The following ARHGEF10 variants were observed in gnomAD, a reference collection of about 807,000 sequenced individuals.
The protein encoded by ARHGEF10 is Rho guanine nucleotide exchange factor 10, also known as Rho guanine nucleotide exchange factor (GEF) 10.
A neutral mutation model predicts 147.4 loss-of-function variants in ARHGEF10; 140 were observed. That is an observed-to-expected ratio of 0.95 (90% confidence interval 0.83 to 1.09). The LOEUF (loss-of-function observed/expected upper bound fraction) is 1.09. ARHGEF10 is among the 50% of genes least tolerant of loss of function. ARHGEF10 has a pLI of 0.00. For missense variants in ARHGEF10, 2,222 were observed against 1,752.7 expected, an observed-to-expected ratio of 1.27 and a Z score of -4.78; for synonymous variants, 902 against 695.8, an observed-to-expected ratio of 1.30 and a Z score of -4.67.
rs532779463 is a variant in ARHGEF10, at chr8:1,915,179, A to C, written c.2143+5709A>C. Among the ~76,000 whole-genome samples the C allele has an allele frequency of 5.3e-5, 8 of 152,278 alleles. No homozygotes were observed. In the East Asian group the frequency reaches 1.5e-3, roughly 29 times the overall value. ...GCCTTCAAACATACATAGGGAGTAA[A>C]ACCACAAAGAGCTCTCAGAGAGGAT... On this transcript the variant is annotated intron_variant, in intron 18 of 28. Transcript: ENST00000349830.
At chr8:1,864,231 T>C in intron 4 of ARHGEF10, 142 bp from the exon 5 acceptor site, 2 of 808,690 alleles carry the variant, frequency 2.5e-6, no homozygotes, top group Non-Finnish European at 4.2e-6. Flanking sequence ...CTAAAAATTT[T>C]TAAGTTTATT....
intron 1 of ARHGEF10, among the ~76,000 whole-genome samples, chr8:1,831,484 G>T (rs1044788125): frequency 1.3e-5 from 2 of 149,326 alleles, no homozygotes; most frequent in Non-Finnish European, 3.0e-5. Context: ...TGACATCCGT[G>T]GAGGGACAGT....
intron 1 of ARHGEF10, among the ~76,000 whole-genome samples, chr8:1,839,982 C>CCGATA: frequency 6.7e-6 from 1 of 149,428 alleles, no homozygotes; most frequent in Non-Finnish European, 1.5e-5. Context: ...TGGAAGCTGT[C>CCGATA]TGGTGTGGGG....
intron 1 of ARHGEF10, among the ~76,000 whole-genome samples, chr8:1,839,438 A>C (rs1337700238): frequency 6.1e-5 from 7 of 114,964 alleles, no homozygotes; most frequent in Non-Finnish European, 1.2e-4. Context: ...TGGTGTGGGG[A>C]GTGTCTGGTG....
At chr8:1,868,851 G>A (rs1205121448) in intron 6 of ARHGEF10, among the ~76,000 whole-genome samples, 1 of 152,054 alleles carries the variant, frequency 6.6e-6, no homozygotes, top group African/African-American at 2.4e-5. Flanking sequence ...GTGTGTAATT[G>A]AACACAAAAT....
chr8:1,905,478 GT>G, intron 16 of ARHGEF10, 92 bp from the exon 17 acceptor site: 4 of 1,524,470 alleles, frequency 2.6e-6, no homozygotes, highest in Non-Finnish European at 3.6e-6. Flanking sequence ...GTTTGGAAAA[GT>G]CACCCTGAGA....
chr8:1,890,620 A>G (rs1320188115), intron 11 of ARHGEF10, among the ~76,000 whole-genome samples: 1 of 129,258 alleles, frequency 7.7e-6, no homozygotes, highest in Admixed American at 7.1e-5. Context: ...AAGGTTATGA[A>G]GAGACACTGA....
Position 1,864,401 on chromosome 8 carries a change from G to A in ARHGEF10, c.510G>A (p.Gln170=). 6.2e-7 allele frequency: 1 copy of A among 1,614,124 alleles called. No individual in the cohort carries two copies. The highest frequency in any genetic ancestry group is 2.2e-5 in the East Asian group (1 of 44,866). The change falls in exon 5 of 29, where the codon CAG becomes CAA. Residue 170 remains glutamine, a synonymous_variant. Coordinates refer to ENST00000349830, the MANE Select transcript of ARHGEF10 (RefSeq NM_014629.4). ...CACCAGAAGTCACAGAAGATCGCCA[G>A]CCCAATTCTCTGAGTTCCGAGGAGC... ...EETPEVTEDR[Q]PNSLSSEEPP...
chr8:1,906,870 A>G (rs1333534200), intron 17 of ARHGEF10, among the ~76,000 whole-genome samples: 1 of 152,224 alleles, frequency 6.6e-6, no homozygotes, highest in Non-Finnish European at 1.5e-5. Context: ...CATCATCGTC[A>G]GTGACTTTGT....
intron 9 of ARHGEF10, among the ~76,000 whole-genome samples, chr8:1,881,056 A>G (rs1483967853): frequency 2.0e-5 from 3 of 152,108 alleles, no homozygotes; most frequent in Non-Finnish European, 4.4e-5. Context: ...CATCAGAACC[A>G]TGGGAGGGGT....
chr8:1,900,323 G>T (rs1047330337), intron 15 of ARHGEF10, among the ~76,000 whole-genome samples: 3 of 152,146 alleles, frequency 2.0e-5, no homozygotes, highest in Non-Finnish European at 4.4e-5. Context: ...CAGCTCCCAC[G>T]TTTCCATCCA....
rs776150289 is a variant in ARHGEF10 at position 1,929,486 on chromosome 8, A to T, written c.3079+43A>T. On this transcript the variant is annotated intron_variant, in intron 25 of 28. Coordinates refer to ENST00000349830, the MANE Select transcript of ARHGEF10 (RefSeq NM_014629.4). ...GCCTCCTGGCCGGTCCTTGGGGTTC[A>T]CTCAGGGGACTGTGCATCCGGTTTA... The T allele has an allele frequency of 5.8e-6, 9 of 1,561,336 alleles. No homozygotes were observed. The African/African-American group carries it at 1.2e-4, about 21-fold the overall frequency.
At chr8:1,946,125 A>G (rs184013991) in intron 27 of ARHGEF10, among the ~76,000 whole-genome samples, 1 of 152,156 alleles carries the variant, frequency 6.6e-6, no homozygotes, top group African/African-American at 2.4e-5. Flanking sequence ...GTTTCTGGGC[A>G]GGGGAGAAGG....
intron 4 of ARHGEF10, among the ~76,000 whole-genome samples, chr8:1,862,417 C>G (rs942110366): frequency 2.0e-5 from 3 of 152,268 alleles, no homozygotes; most frequent in Admixed American, 1.3e-4. Flanking sequence ...GCAGGTCCTG[C>G]TCTTGTTTAC....
chr8:1,830,296 T>TCATTTCCCGTGGGGCCCAG (rs1563144799), intron 1 of ARHGEF10, among the ~76,000 whole-genome samples: 1 of 152,192 alleles, frequency 6.6e-6, no homozygotes, highest in South Asian at 2.1e-4. Context: ...CCCAGGCGGC[T>TCATTTCCCGTGGGGCCCAG]GTCCTTGGTG....
intron 23 of ARHGEF10, 43 bp downstream of exon 23, chr8:1,926,506 T>C: frequency 6.4e-7 from 1 of 1,558,144 alleles, no homozygotes; most frequent in Non-Finnish European, 8.9e-7. Flanking sequence ...TCACAGAGAA[T>C]CAACGTTCAT....
At chr8:1,854,163 C>T (rs1379845419) in intron 2 of ARHGEF10, among the ~76,000 whole-genome samples, 2 of 152,206 alleles carry the variant, frequency 1.3e-5, no homozygotes, top group Non-Finnish European at 2.9e-5. Context: ...CCCCCAGGGC[C>T]CAGGGCAGTG....
chr8:1,849,942 A>G (rs1804926178), intron 2 of ARHGEF10, among the ~76,000 whole-genome samples: 1 of 131,264 alleles, frequency 7.6e-6, no homozygotes, highest in East Asian at 2.4e-4. Flanking sequence ...GGCTGCGTGG[A>G]CACAGAGGGC....
chr8:1,875,465 A>G (rs139929896), intron 7 of ARHGEF10, among the ~76,000 whole-genome samples: 321 of 152,254 alleles, frequency 2.1e-3, no homozygotes, highest in African/African-American at 6.5e-3. Context: ...ATTTCAGGCA[A>G]TTGTGCAAGG....
Sources: allele counts gnomAD v4.1 joint callset (sites outside exome capture counted in the v4.1 genomes callset), GRCh38; gene constraint gnomAD v4.1.1; transcripts MANE v1.5; gene names NCBI Gene and HGNC (gene_info 2026-07-23, HGNC 2026-07-21).